Variants in ADAM12 observed in about 807,000 individuals in gnomAD.
ADAM12 encodes the protein ADAM metallopeptidase domain 12, also known as disintegrin and metalloproteinase domain-containing protein 12.
Under a neutral mutation model 106.4 loss-of-function variants are expected in ADAM12, and 70 were observed. That is an observed-to-expected ratio of 0.66 (90% CI 0.54 to 0.80). The LOEUF (loss-of-function observed/expected upper bound fraction) is 0.80, where lower values mean the gene tolerates loss of function less well. Among genes scored for constraint, ADAM12 ranks in the 30% least tolerant of loss-of-function variants. The pLI is 0.00. For missense variants in ADAM12, 1,010 were observed against 1,171.9 expected, an observed-to-expected ratio of 0.86 and a Z score of 2.02; for synonymous variants, 420 against 433.5, an observed-to-expected ratio of 0.97 and a Z score of 0.39.
intron 2 of ADAM12, among the ~76,000 whole-genome samples, chr10:126,304,345 A>G (rs958163088): frequency 6.6e-6 from 1 of 151,628 alleles, no homozygotes; most frequent in Non-Finnish European, 1.5e-5. Context: ...AGGGAGGGAG[A>G]AAAACAAAAA....
rs182256926 is a variant in ADAM12 at position 126,152,896 on chromosome 10, C to T, written c.339+2331G>A. On this transcript the variant is annotated intron_variant, in intron 4 of 22. Coordinates refer to ENST00000448723, the MANE Select transcript of ADAM12 (RefSeq NM_001288973.2). ...GTGTCTATTATTCTCCAGTACAATACAAATTCTTAAACCATTTTAAATCTA... is the reference window on the plus strand; with the variant it reads ...GTGTCTATTATTCTCCAGTACAATATAAATTCTTAAACCATTTTAAATCTA... 5.8e-3 allele frequency among the ~76,000 whole-genome samples: 882 copies of T among 152,238 alleles called. 9 individuals carry two copies. Among genetic ancestry groups the T allele is most frequent in the African/African-American group, 0.02 (850 of 41,560 alleles).
intron 4 of ADAM12, among the ~76,000 whole-genome samples, chr10:126,136,689 G>C (rs542165632): frequency 3.3e-5 from 5 of 152,304 alleles, no homozygotes; most frequent in Admixed American, 2.0e-4. Context: ...ATTGAGTCAT[G>C]AAGAAAACCA....
Position 126,051,411 on chromosome 10 carries a change from A to G in ADAM12, c.1610-1742T>C, listed in dbSNP as rs368854082. On this transcript the variant is annotated intron_variant, in intron 14 of 22. Transcript: ENST00000448723. ...CCATCATCCATTTATATACCCATCT[A>G]TCCATTCATCCATCCATCCACTCGT... Among the ~76,000 whole-genome samples the G allele has an allele frequency of 1.5e-4, 22 of 151,472 alleles. No individual in the cohort carries two copies. The East Asian group carries it at 2.7e-3, about 19-fold the overall frequency.
intron 5 of ADAM12, among the ~76,000 whole-genome samples, chr10:126,132,568 A>G (rs2133668819): frequency 6.9e-6 from 1 of 144,592 alleles, no homozygotes; most frequent in East Asian, 2.3e-4. Flanking sequence ...CAAAGAACAA[A>G]GACTGTCTCA....
At chr10:126,359,367 C>G (rs764617809) in intron 1 of ADAM12, among the ~76,000 whole-genome samples, 1 of 152,088 alleles carries the variant, frequency 6.6e-6, no homozygotes, top group Non-Finnish European at 1.5e-5. Context: ...AAGTCTCATC[C>G]GAGACAAGGC....
chr10:126,295,378 A>G (rs968808913), intron 2 of ADAM12, among the ~76,000 whole-genome samples: 7 of 152,186 alleles, frequency 4.6e-5, no homozygotes, highest in African/African-American at 1.4e-4. Flanking sequence ...GTGACTGACA[A>G]TAAGGATTAC....
intron 3 of ADAM12, among the ~76,000 whole-genome samples, chr10:126,156,008 T>C (rs1429551669): frequency 6.6e-6 from 1 of 152,218 alleles, no homozygotes; most frequent in Non-Finnish European, 1.5e-5. Flanking sequence ...TTGCAAAGCA[T>C]GGGTTACTTA....
At chr10:126,200,957 G>C (rs1697622744) in intron 3 of ADAM12, among the ~76,000 whole-genome samples, 1 of 152,192 alleles carries the variant, frequency 6.6e-6, no homozygotes, top group South Asian at 2.1e-4. Flanking sequence ...TCTAGAAACA[G>C]TAGACCAGTC....
intron 5 of ADAM12, among the ~76,000 whole-genome samples, chr10:126,134,809 C>T (rs920985003): frequency 6.6e-6 from 1 of 152,236 alleles, no homozygotes; most frequent in Non-Finnish European, 1.5e-5. Flanking sequence ...CCTTCCAGGG[C>T]CTTCTCTCTC....
chr10:126,351,881 G>C (rs1185770666), intron 1 of ADAM12, among the ~76,000 whole-genome samples: 2 of 152,116 alleles, frequency 1.3e-5, no homozygotes, highest in Non-Finnish European at 2.9e-5. Flanking sequence ...TCTGGCCTTT[G>C]GACACACACA....
At chr10:126,092,973 C>T (rs372849360) in intron 11 of ADAM12, among the ~76,000 whole-genome samples, 4 of 152,162 alleles carry the variant, frequency 2.6e-5, no homozygotes, top group Non-Finnish European at 4.4e-5. Flanking sequence ...TCTTTTAAAC[C>T]GCAGTAGCAG....
chr10:126,096,314 A>G (rs1271869299), intron 10 of ADAM12, among the ~76,000 whole-genome samples: 1 of 152,224 alleles, frequency 6.6e-6, no homozygotes, highest in African/African-American at 2.4e-5. Flanking sequence ...ACATTCTTTC[A>G]TGCATCAATG....
chr10:126,168,225 A>G (rs1377114214), intron 3 of ADAM12, among the ~76,000 whole-genome samples: 1 of 152,198 alleles, frequency 6.6e-6, no homozygotes, highest in Non-Finnish European at 1.5e-5. Flanking sequence ...TATCTGCAGA[A>G]TGTTTGGGCT....
At chr10:126,083,866 C>T (rs1278350) in intron 11 of ADAM12, among the ~76,000 whole-genome samples, 89,569 of 152,098 alleles carry the variant, frequency 0.59, 26,532 homozygotes, top group East Asian at 0.68. Flanking sequence ...AGAACAGAAC[C>T]GAGGCTGAAG....
intron 3 of ADAM12, among the ~76,000 whole-genome samples, chr10:126,225,832 G>T (rs1391161585): frequency 2.0e-5 from 3 of 152,178 alleles, no homozygotes; most frequent in African/African-American, 7.2e-5. Context: ...AATTCCTGCA[G>T]TCACAACGCA....
intron 14 of ADAM12, among the ~76,000 whole-genome samples, chr10:126,056,720 C>G (rs371840254): frequency 2.5e-5 from 2 of 78,650 alleles, no homozygotes; most frequent in African/African-American, 8.9e-5. Context: ...TTTGTTCTTG[C>G]GATAGTTTAC....
chr10:126,250,102 AC>A (rs1165817498), intron 3 of ADAM12, among the ~76,000 whole-genome samples: 1 of 152,204 alleles, frequency 6.6e-6, no homozygotes, highest in Non-Finnish European at 1.5e-5. Context: ...ATCCGGGACT[AC>A]CACAGAAAGC....
chr10:126,023,715 C>T (rs1294952863), intron 21 of ADAM12, among the ~76,000 whole-genome samples: 2 of 152,134 alleles, frequency 1.3e-5, no homozygotes, highest in Non-Finnish European at 2.9e-5. Context: ...AAACCTGTCA[C>T]CACAAATTGT....
intron 3 of ADAM12, among the ~76,000 whole-genome samples, chr10:126,229,316 C>G (rs1372686151): frequency 6.6e-6 from 1 of 152,184 alleles, no homozygotes; most frequent in Non-Finnish European, 1.5e-5. Flanking sequence ...AAATTCCAAT[C>G]CTGTTTGACT....
Sources: allele counts gnomAD v4.1 joint callset (sites outside exome capture counted in the v4.1 genomes callset), GRCh38; gene constraint gnomAD v4.1.1; transcripts MANE v1.5; gene names NCBI Gene and HGNC (gene_info 2026-07-23, HGNC 2026-07-21).